The following RGS8 variants were observed in gnomAD, a reference collection of about 807,000 sequenced individuals.
RGS8 encodes regulator of G protein signaling 8, also known as regulator of G-protein signaling 8.
RGS8 carries 8 observed loss-of-function variants against 21.7 expected under a neutral mutation model. The observed-to-expected ratio is 0.37, with a 90% confidence interval of 0.22 to 0.66. The LOEUF is 0.66. RGS8 is among the 30% of genes least tolerant of loss of function. The pLI, the probability that RGS8 is intolerant of heterozygous loss-of-function variation, is 0.59. For missense variants in RGS8, 157 were observed against 217.9 expected (o/e 0.72, Z 1.76); for synonymous variants, 80 against 83.6 (o/e 0.96, Z 0.24).
At chr1:182,740,573 TATTGATCA>T in the RGS8 span, among the ~76,000 whole-genome samples, 40 of 87,244 alleles carry the variant, frequency 4.6e-4, no homozygotes, top group African/African-American at 1.1e-3. Flanking sequence ...TTTTTTTTTT[TATTGATCA>T]TTCTTGGGTG....
At chr1:182,649,878 C>T (rs1662914589) in intron 5 of RGS8, among the ~76,000 whole-genome samples, 1 of 151,714 alleles carries the variant, frequency 6.6e-6, no homozygotes, top group Non-Finnish European at 1.5e-5. Context: ...TTCTAAAATC[C>T]CCCAGAAGAA....
At chr1:182,707,820 C>T in the RGS8 span, among the ~76,000 whole-genome samples, 1 of 152,156 alleles carries the variant, frequency 6.6e-6, no homozygotes, top group Non-Finnish European at 1.5e-5. Context: ...CATTCTCCTG[C>T]CTCAGTCTCC....
At chr1:182,666,932 T>C in exon 4 of RGS8, 1 of 1,614,182 alleles carries the variant, frequency 6.2e-7, no homozygotes. Context: ...CGAGTCTGAC[T>C]TGTGAGACAG....
At chr1:182,723,244 G>A in the RGS8 span, among the ~76,000 whole-genome samples, 1 of 152,172 alleles carries the variant, frequency 6.6e-6, no homozygotes, top group East Asian at 1.9e-4. Context: ...GAATGGCTTA[G>A]CAGGATGGTT....
At chr1:182,667,279 A>T (rs1226135561) in intron 3 of RGS8, among the ~76,000 whole-genome samples, 2 of 150,872 alleles carry the variant, frequency 1.3e-5, no homozygotes, top group Non-Finnish European at 3.0e-5. Flanking sequence ...TAGGGAAAGA[A>T]AATACAGTGA....
chr1:182,686,780 G>A (rs1337940499), upstream of RGS8, among the ~76,000 whole-genome samples: 3 of 152,140 alleles, frequency 2.0e-5, no homozygotes, highest in Non-Finnish European at 2.9e-5. Context: ...GATGAGGGGA[G>A]TAAATGGAAT....
upstream of RGS8, chr1:182,672,024 C>G: frequency 1.3e-6 from 1 of 783,734 alleles, no homozygotes; most frequent in Non-Finnish European, 1.8e-6. Context: ...GAGCTGAGCT[C>G]AGCCTCACTA....
the RGS8 span, among the ~76,000 whole-genome samples, chr1:182,701,654 G>A: frequency 1.3e-5 from 2 of 152,166 alleles, no homozygotes; most frequent in East Asian, 1.9e-4. Context: ...CAGCCGCCTG[G>A]AAAACTGAAT....
At chr1:182,752,334 C>A in the RGS8 span, among the ~76,000 whole-genome samples, 58 of 152,298 alleles carry the variant, frequency 3.8e-4, 1 homozygote, top group East Asian at 0.011. Context: ...CGGCCACAGA[C>A]GAGACACAGG....
chr1:182,703,909 T>C, the RGS8 span, among the ~76,000 whole-genome samples: 1 of 152,204 alleles, frequency 6.6e-6, no homozygotes, highest in Non-Finnish European at 1.5e-5. Flanking sequence ...CAAATATTTA[T>C]TGAACATTAA....
chr1:182,672,792 T>A (rs761135123), upstream of RGS8: 1 of 1,613,786 alleles, frequency 6.2e-7, no homozygotes, highest in Non-Finnish European at 8.5e-7. Flanking sequence ...GTCTTTTCCA[T>A]TTCTTTCTTC....
At chr1:182,703,153 T>C in the RGS8 span, among the ~76,000 whole-genome samples, 11 of 152,354 alleles carry the variant, frequency 7.2e-5, no homozygotes, top group Admixed American at 2.0e-4. Context: ...TGCTTTGACC[T>C]AAATTTTGCA....
chr1:182,646,664 C>T, exon 7 of RGS8: 1 of 1,406,980 alleles, frequency 7.1e-7, no homozygotes, highest in Non-Finnish European at 9.8e-7. Context: ...TATGACATTT[C>T]ACATTAGAAT....
chr1:182,727,370 T>C, the RGS8 span, among the ~76,000 whole-genome samples: 1 of 152,218 alleles, frequency 6.6e-6, no homozygotes, highest in Non-Finnish European at 1.5e-5. Flanking sequence ...TCATAATAAG[T>C]ATAATTTAAG....
the RGS8 span, among the ~76,000 whole-genome samples, chr1:182,747,202 GCATCTTCTATCTTTAGACACAT>G: frequency 6.6e-6 from 1 of 151,130 alleles, no homozygotes; most frequent in African/African-American, 2.4e-5. Context: ...TCCTGGCCCT[GCATCTTCTATCTTTAGACACAT>G]GTAATTTCAG....
chr1:182,748,260 T>C, the RGS8 span, among the ~76,000 whole-genome samples: 1 of 152,196 alleles, frequency 6.6e-6, no homozygotes, highest in African/African-American at 2.4e-5. Flanking sequence ...ATCTTCCCAT[T>C]TCCCCCTCTC....
the RGS8 span, among the ~76,000 whole-genome samples, chr1:182,717,179 T>G: frequency 6.6e-6 from 1 of 152,206 alleles, no homozygotes; most frequent in South Asian, 2.1e-4. Context: ...TGGTACATTT[T>G]TATGCAAATG....
chr1:182,741,698 G>C, the RGS8 span, among the ~76,000 whole-genome samples: 1 of 116,692 alleles, frequency 8.6e-6, no homozygotes, highest in Non-Finnish European at 2.0e-5. Flanking sequence ...CAGTAGGGGC[G>C]GCCGGGCAGA....
intron 5 of RGS8, among the ~76,000 whole-genome samples, chr1:182,655,172 G>A (rs1191189776): frequency 6.6e-6 from 1 of 152,222 alleles, no homozygotes; most frequent in Non-Finnish European, 1.5e-5. Context: ...TAAGTGGCAA[G>A]GATGCTAAAC....
Sources: allele counts gnomAD v4.1 joint callset (sites outside exome capture counted in the v4.1 genomes callset), GRCh38; gene constraint gnomAD v4.1.1; transcripts MANE v1.5; gene names NCBI Gene and HGNC (gene_info 2026-07-23, HGNC 2026-07-21).